Variants in DOCK1 observed in about 807,000 individuals in gnomAD.
DOCK1 encodes the protein dedicator of cytokinesis protein 1.
Under a neutral mutation model 262.7 loss-of-function variants are expected in DOCK1, and 138 were observed. The observed-to-expected ratio is 0.53, with a 90% CI of 0.46 to 0.61. The LOEUF is 0.61. DOCK1 is among the 20% of genes least tolerant of loss of function. The pLI is 0.00. For synonymous variants in DOCK1, 866 were observed against 867.4 expected, an observed-to-expected ratio of 1.00 and a Z score of 0.03; for missense variants, 1,908 against 2,370.7, an observed-to-expected ratio of 0.80 and a Z score of 4.05.
intron 29 of DOCK1, among the ~76,000 whole-genome samples, chr10:127,322,949 T>C (rs185190932): frequency 6.6e-6 from 1 of 152,218 alleles, no homozygotes; most frequent in Non-Finnish European, 1.5e-5. Flanking sequence ...AATCAATCAC[T>C]CTGATGTAAC....
chr10:127,428,401 T>C (rs1288238233), intron 47 of DOCK1, among the ~76,000 whole-genome samples: 1 of 151,872 alleles, frequency 6.6e-6, no homozygotes, highest in Non-Finnish European at 1.5e-5. Context: ...TGGTGTGCTG[T>C]GTGGATTGGG....
At position 127,403,151 on chromosome 10, in the gene DOCK1, CTT is replaced by C; in HGVS notation, c.4017+9_4017+10del. The C allele has an allele frequency of 6.3e-7, 1 of 1,595,462 alleles. No homozygotes were observed. Among genetic ancestry groups the C allele is most frequent in the Non-Finnish European group, 8.5e-7 (1 of 1,170,756 alleles). ...GCAACTCAGCGAATTGCTGGTGAGT[CTT>C]TATTTCTTTTTATTTAAATGAACAC... is the stretch of plus-strand genomic sequence containing the variant. On this transcript the variant is annotated splice_region_variant and intron_variant, in intron 39 of 51. Coordinates refer to ENST00000623213, the MANE Select transcript of DOCK1 (RefSeq NM_001290223.2).
At chr10:127,422,767 T>C (rs2068591952) in intron 46 of DOCK1, among the ~76,000 whole-genome samples, 1 of 152,210 alleles carries the variant, frequency 6.6e-6, no homozygotes, top group African/African-American at 2.4e-5. Context: ...TTGTAGATTT[T>C]TTACTAAAGG....
chr10:127,228,789 T>G (rs1359712343), intron 27 of DOCK1, among the ~76,000 whole-genome samples: 1 of 152,244 alleles, frequency 6.6e-6, no homozygotes, highest in Non-Finnish European at 1.5e-5. Flanking sequence ...TAAATTTTAT[T>G]GTTTAAATTG....
At chr10:127,379,831 A>C (rs1438812773) in intron 35 of DOCK1, among the ~76,000 whole-genome samples, 1 of 152,196 alleles carries the variant, frequency 6.6e-6, no homozygotes, top group Admixed American at 6.5e-5. Flanking sequence ...GTGACTTTCA[A>C]GTGACAGAAG....
intron 31 of DOCK1, among the ~76,000 whole-genome samples, chr10:127,351,844 C>A (rs2063895146): frequency 6.6e-6 from 1 of 152,024 alleles, no homozygotes. Flanking sequence ...CTTATTAAAA[C>A]CAAGGAAAAG....
At chr10:126,905,965 C>T (rs1309261265) in intron 1 of DOCK1, among the ~76,000 whole-genome samples, 1 of 152,134 alleles carries the variant, frequency 6.6e-6, no homozygotes, top group South Asian at 2.1e-4. Flanking sequence ...TGTCTCGCGG[C>T]GGCTTCTGCT....
At chr10:127,362,365 T>C (rs915921702) in intron 33 of DOCK1, among the ~76,000 whole-genome samples, 153 bp downstream of exon 33, 2 of 152,244 alleles carry the variant, frequency 1.3e-5, no homozygotes, top group Non-Finnish European at 2.9e-5. Context: ...CCTATGATTT[T>C]CCTTATTGAA....
At chr10:127,396,615 A>G (rs2066865382) in intron 38 of DOCK1, among the ~76,000 whole-genome samples, 1 of 152,180 alleles carries the variant, frequency 6.6e-6, no homozygotes, top group South Asian at 2.1e-4. Context: ...AGTGAGCAGC[A>G]CGGTGTCTCT....
chr10:127,180,649 T>G (rs2133960015), intron 27 of DOCK1, among the ~76,000 whole-genome samples: 1 of 152,348 alleles, frequency 6.6e-6, no homozygotes, highest in South Asian at 2.1e-4. Flanking sequence ...TTTAAATTAA[T>G]GGCTGATATG....
intron 30 of DOCK1, among the ~76,000 whole-genome samples, chr10:127,339,591 T>C (rs1258792055): frequency 6.7e-6 from 1 of 150,126 alleles, no homozygotes; most frequent in Non-Finnish European, 1.5e-5. Context: ...CTTTGGTGAA[T>C]GCAGTGTGTG....
intron 25 of DOCK1, among the ~76,000 whole-genome samples, chr10:127,122,766 GCA>G (rs2049688916): frequency 1.3e-5 from 2 of 152,000 alleles, no homozygotes; most frequent in Admixed American, 1.3e-4. Context: ...TGAAGGTAGC[GCA>G]GTCCTCCAGG....
chr10:127,404,303 G>C (rs1191658211), intron 39 of DOCK1, 22 bp from the exon 40 acceptor site: 5 of 1,600,886 alleles, frequency 3.1e-6, no homozygotes, highest in Non-Finnish European at 4.3e-6. Context: ...AACCTGAAAT[G>C]CATTTTCTTT....
At chr10:127,361,051 T>A (rs1276691552) in intron 32 of DOCK1, among the ~76,000 whole-genome samples, 7 of 151,960 alleles carry the variant, frequency 4.6e-5, no homozygotes, top group Non-Finnish European at 1.0e-4. Context: ...TTTTCTGAGT[T>A]CTTTAAAAAT....
chr10:127,212,092 T>C (rs1461520010), intron 27 of DOCK1, among the ~76,000 whole-genome samples: 1 of 152,202 alleles, frequency 6.6e-6, no homozygotes, highest in Non-Finnish European at 1.5e-5. Flanking sequence ...CACAAGTGGG[T>C]GTGTCATTCC....
At chr10:127,148,433 T>A (rs1313495529) in intron 27 of DOCK1, among the ~76,000 whole-genome samples, 1 of 152,234 alleles carries the variant, frequency 6.6e-6, no homozygotes, top group Admixed American at 6.5e-5. Context: ...TAAATCTTGC[T>A]TTCATCTCCA....
At position 127,106,256 on chromosome 10, in the gene DOCK1, C is replaced by T. The variant is rs373968953; in HGVS notation, c.2471C>T (p.Thr824Met). ...GGGGCAGCACTGAAATACTTACCAA[C>T]GATCGTCAACGATGTGAAATTGGTG... ...VKGAALKYLP[T>M]IVNDVKLVFD... is the part of the protein sequence containing the mutation. The change falls in exon 24 of 52, where the codon ACG becomes ATG. Residue 824 changes from threonine (T) to methionine (M), a missense_variant. Around this residue, in one of 9 missense-constraint regions of DOCK1, gnomAD observed 518 missense variants for 575.1 expected, o/e 0.90. Coordinates refer to ENST00000623213, the MANE Select transcript of DOCK1 (RefSeq NM_001290223.2). The T allele has an allele frequency of 2.1e-5, 33 of 1,594,398 alleles. No homozygotes were observed. Among genetic ancestry groups the T allele is most frequent in the African/African-American group, 5.4e-5 (4 of 74,746 alleles).
chr10:127,282,996 C>T (rs903226785), intron 29 of DOCK1, among the ~76,000 whole-genome samples: 1 of 152,216 alleles, frequency 6.6e-6, no homozygotes, highest in Admixed American at 6.5e-5. Context: ...AAGGTCTCCC[C>T]ACCAGGGCTG....
At chr10:127,374,619 T>C (rs1006586023) in intron 35 of DOCK1, among the ~76,000 whole-genome samples, 1 of 152,256 alleles carries the variant, frequency 6.6e-6, no homozygotes, top group East Asian at 1.9e-4. Flanking sequence ...TGAGACCTTA[T>C]TTGGAAACAA....
Sources: gnomAD v4.1 joint callset for allele counts (sites outside exome capture counted in the v4.1 genomes callset) on GRCh38, gnomAD v4.1.1 for gene constraint, gnomAD v4.1.1 regional missense constraint, MANE v1.5 for transcripts, NCBI Gene and HGNC (gene_info 2026-07-23, HGNC 2026-07-21) for gene names.